Variants in ATG4C observed in about 807,000 individuals in gnomAD.
ATG4C encodes the protein cysteine protease ATG4C.
A neutral mutation model predicts 57.6 loss-of-function variants in ATG4C; 56 were observed. The observed-to-expected ratio is 0.97, with a 90% CI of 0.78 to 1.21. ATG4C has a LOEUF of 1.21. ATG4C is among the 50% of genes most tolerant of loss of function. The pLI, the probability that ATG4C is intolerant of heterozygous loss-of-function variation, is 0.00. For synonymous variants in ATG4C, 157 were observed against 174.1 expected, an observed-to-expected ratio of 0.90 and a Z score of 0.78; for missense variants, 595 against 529.8, an observed-to-expected ratio of 1.12 and a Z score of -1.21.
chr1:62,803,220 A>G lies in ATG4C; in HGVS notation c.-68-499A>G, dbSNP rs115041301. ...AGGAAACATAGGAAATGTCTTATTT[A>G]AAAAACAAAACAAAATAATTAGACT... On this transcript the variant is annotated intron_variant, in intron 1 of 10. Transcript: ENST00000317868. Among the ~76,000 whole-genome samples, 407 of 152,334 alleles carry G rather than the reference A, an allele frequency of 2.7e-3. 1 individual carries two copies. The highest frequency in any genetic ancestry group is 9.3e-3 in the African/African-American group (386 of 41,578).
chr1:62,827,799 C>G (rs986624285), intron 6 of ATG4C, among the ~76,000 whole-genome samples: 1 of 99,260 alleles, frequency 1.0e-5, no homozygotes, highest in Non-Finnish European at 2.2e-5. Flanking sequence ...TTCTGCTCCT[C>G]TCTCTCCTCC....
chr1:62,789,742 G>A (rs1664208595), intron 1 of ATG4C, among the ~76,000 whole-genome samples: 2 of 152,154 alleles, frequency 1.3e-5, no homozygotes, highest in South Asian at 4.2e-4. Context: ...GCGTAAACCC[G>A]GGAGGCGGAG....
chr1:62,845,643 A>G (rs926603660), intron 10 of ATG4C, among the ~76,000 whole-genome samples: 5 of 152,166 alleles, frequency 3.3e-5, no homozygotes, highest in Admixed American at 2.6e-4. Flanking sequence ...ATATTCTCCT[A>G]TACTCCTTCC....
At chr1:62,852,869 A>G (rs139637257) in intron 10 of ATG4C, among the ~76,000 whole-genome samples, 2,096 of 151,382 alleles carry the variant, frequency 0.014, 67 homozygotes, top group African/African-American at 0.048. Context: ...TCTGTTTTCT[A>G]TTCACTCTCA....
At chr1:62,786,809 T>G (rs551430375) in intron 1 of ATG4C, among the ~76,000 whole-genome samples, 10 of 152,204 alleles carry the variant, frequency 6.6e-5, no homozygotes, top group Admixed American at 6.5e-4. Context: ...GTAAATGCTA[T>G]TAAAAAAGGA....
intron 10 of ATG4C, among the ~76,000 whole-genome samples, chr1:62,851,408 A>G (rs1666517291): frequency 6.6e-6 from 1 of 152,184 alleles, no homozygotes; most frequent in Non-Finnish European, 1.5e-5. Context: ...ATTCACTTTT[A>G]ACTCTTTTAG....
chr1:62,843,895 A>G (rs1391260387), intron 10 of ATG4C, among the ~76,000 whole-genome samples: 1 of 152,186 alleles, frequency 6.6e-6, no homozygotes, highest in Non-Finnish European at 1.5e-5. Flanking sequence ...AATAGAAATA[A>G]ATTGATAGAG....
chr1:62,845,856 C>T (rs1666311950), intron 10 of ATG4C, among the ~76,000 whole-genome samples: 2 of 152,094 alleles, frequency 1.3e-5, no homozygotes, highest in South Asian at 4.1e-4. Context: ...TGTGCACCAC[C>T]ACGCCTGGCT....
In ATG4C at chr1:62,865,309, A is replaced by G. The variant is rs1666970706; in HGVS notation, c.*1150A>G. 1 of 151,950 alleles carries G rather than the reference A, an allele frequency of 6.6e-6. No homozygotes were observed. Among genetic ancestry groups the G allele is most frequent in the Admixed American group, 6.6e-5 (1 of 15,242 alleles). 9.4% of individuals were successfully genotyped at this position (151,950 alleles called of 1,614,324 possible). A position where few individuals can be genotyped will look rare whatever the true frequency, so the allele number is the denominator to read the frequency against. On this transcript the variant is annotated 3_prime_UTR_variant, in exon 11 of 11. Coordinates refer to ENST00000317868, the MANE Select transcript of ATG4C (RefSeq NM_032852.4). ...AAGTGGAGCTTTCATGTTTCAGTGT[A>G]GAAACGTGACTTATAAAGACATAAA...
At chr1:62,835,229 G>A (rs1057083125) in intron 9 of ATG4C, among the ~76,000 whole-genome samples, 4 of 151,386 alleles carry the variant, frequency 2.6e-5, no homozygotes, top group African/African-American at 9.7e-5. Flanking sequence ...ACGGGTTAGA[G>A]TAACAAAGCG....
At position 62,830,960 on chromosome 1, in the gene ATG4C, A is replaced by G. The variant is rs143206657; in HGVS notation, c.933+1784A>G. On this transcript the variant is annotated intron_variant, in intron 7 of 10. Transcript: ENST00000317868. ...ATTGTCTTTATGAAACAGAAAAGAC[A>G]TAGAGAAGTCAAGTGATATATCCAA... Among the ~76,000 whole-genome samples the G allele has an allele frequency of 4.3e-3, 649 of 152,290 alleles. 6 individuals carry two copies. Among genetic ancestry groups the G allele is most frequent in the African/African-American group, 0.015 (620 of 41,570 alleles).
At chr1:62,795,529 T>G (rs1664433627) in intron 1 of ATG4C, among the ~76,000 whole-genome samples, 1 of 152,232 alleles carries the variant, frequency 6.6e-6, no homozygotes, top group South Asian at 2.1e-4. Context: ...GATAAAATAG[T>G]TTTCTTCTCT....
chr1:62,822,940 A>G lies in ATG4C; in HGVS notation c.796+1731A>G, dbSNP rs544695424. Among the ~76,000 whole-genome samples, 17 of 152,320 alleles carry G rather than the reference A, an allele frequency of 1.1e-4. No individual in the cohort carries two copies. The South Asian group carries it at 2.7e-3, about 24-fold the overall frequency. On this transcript the variant is annotated intron_variant, in intron 6 of 10. Coordinates refer to ENST00000317868, the MANE Select transcript of ATG4C (RefSeq NM_032852.4). ...CAGGCCGAGGTCGGGGGATCACTTG[A>G]GCCCAGCAGTTCAAGACTAGCCTGG...
At position 62,803,769 on chromosome 1, in the gene ATG4C, T is replaced by G. The variant is rs755782281; in HGVS notation, c.-18T>G. ...GAAGAATGCAATCAAGTGATGGCTT[T>G]TCCTTTAGAATTTGAATATGGAGGC... On this transcript the variant is annotated 5_prime_UTR_variant, in exon 2 of 11. Coordinates refer to ENST00000317868, the MANE Select transcript of ATG4C (RefSeq NM_032852.4). The G allele has an allele frequency of 6.4e-7, 1 of 1,571,264 alleles. No homozygotes were observed. The highest frequency in any genetic ancestry group is 8.7e-7 in the Non-Finnish European group (1 of 1,154,078).
At chr1:62,833,590 A>G (rs1160389164) in intron 7 of ATG4C, among the ~76,000 whole-genome samples, 1 of 152,152 alleles carries the variant, frequency 6.6e-6, no homozygotes, top group Non-Finnish European at 1.5e-5. Context: ...ATGGCTTTCA[A>G]TTTGTGATTC....
intron 3 of ATG4C, among the ~76,000 whole-genome samples, chr1:62,813,401 A>G (rs937047292): frequency 3.3e-5 from 5 of 152,234 alleles, no homozygotes; most frequent in Admixed American, 6.5e-5. Context: ...AGCCATATGC[A>G]GAAAACTGAA....
intron 4 of ATG4C, among the ~76,000 whole-genome samples, chr1:62,818,031 A>G (rs1665339934): frequency 6.6e-6 from 1 of 152,068 alleles, no homozygotes; most frequent in African/African-American, 2.4e-5. Flanking sequence ...ATGGGCAAGG[A>G]TTGGAATATT....
intron 3 of ATG4C, among the ~76,000 whole-genome samples, chr1:62,811,483 C>A (rs1002928892): frequency 6.6e-6 from 1 of 151,790 alleles, no homozygotes; most frequent in South Asian, 2.1e-4. Context: ...GACCGAATAC[C>A]GAAAGTAAAA....
chr1:62,839,889 G>T (rs1666113993), intron 9 of ATG4C, among the ~76,000 whole-genome samples: 1 of 150,866 alleles, frequency 6.6e-6, no homozygotes, highest in Non-Finnish European at 1.5e-5. Context: ...AATCTAATAT[G>T]CAGTTGAACT....
Sources: gnomAD v4.1 joint callset for allele counts (sites outside exome capture counted in the v4.1 genomes callset) on GRCh38, gnomAD v4.1.1 for gene constraint, MANE v1.5 for transcripts, NCBI Gene and HGNC (gene_info 2026-07-23, HGNC 2026-07-21) for gene names.